Variants in FGF12 observed in about 807,000 individuals in gnomAD.
FGF12 encodes the protein fibroblast growth factor 12B.
In FGF12, 14 loss-of-function variants were observed where a neutral mutation model predicts 23.6. That is an observed-to-expected ratio of 0.59 (90% CI 0.39 to 0.93). The LOEUF is 0.93. Ranked by LOEUF, FGF12 falls within the 40% of genes least tolerant of loss-of-function variation. FGF12 has a pLI of 0.00. For missense variants in FGF12, 175 were observed against 217.8 expected (o/e 0.80, Z 1.24); for synonymous variants, 62 against 77.3 (o/e 0.80, Z 1.04).
chr3:192,154,492 G>A (rs912870168), intron 5 of FGF12, among the ~76,000 whole-genome samples: 3 of 144,622 alleles, frequency 2.1e-5, no homozygotes, highest in Admixed American at 7.0e-5. Context: ...ATGGGTTTTC[G>A]GTGTGGATGT....
At chr3:192,725,420 T>C (rs1425255555) in intron 2 of FGF12, among the ~76,000 whole-genome samples, 2 of 152,148 alleles carry the variant, frequency 1.3e-5, no homozygotes, top group African/African-American at 4.8e-5. Flanking sequence ...GACATAGAAC[T>C]TCTGAACTGA....
intron 2 of FGF12, among the ~76,000 whole-genome samples, chr3:192,418,270 G>A (rs756177427): frequency 6.6e-6 from 1 of 152,088 alleles, no homozygotes; most frequent in Non-Finnish European, 1.5e-5. Context: ...ATACTACGCA[G>A]CACCATAGAA....
chr3:192,496,906 A>G (rs907825289), intron 2 of FGF12, among the ~76,000 whole-genome samples: 6 of 152,204 alleles, frequency 3.9e-5, no homozygotes, highest in African/African-American at 1.4e-4. Context: ...ATGGCTAAAT[A>G]TAGAACATTG....
chr3:192,188,079 T>G (rs576503245), intron 4 of FGF12, among the ~76,000 whole-genome samples: 47 of 152,318 alleles, frequency 3.1e-4, no homozygotes, highest in Middle Eastern at 3.4e-3. Flanking sequence ...AGTGGCCTCA[T>G]GTATTTATTC....
intron 2 of FGF12, among the ~76,000 whole-genome samples, chr3:192,556,109 A>C (rs904383006): frequency 6.6e-6 from 1 of 152,168 alleles, no homozygotes; most frequent in Non-Finnish European, 1.5e-5. Flanking sequence ...AAGGAGGACC[A>C]AAAGGCAACA....
rs1390476829 is a variant in FGF12 at position 192,514,418 on chromosome 3, G to A, written c.14-153880C>T. On this transcript the variant is annotated intron_variant, in intron 2 of 5. Coordinates refer to ENST00000445105, the MANE Select transcript of FGF12 (RefSeq NM_004113.6). The surrounding 1 kb of genome is among the most constrained non-coding windows in gnomAD (Gnocchi z 4.9). Reference sequence around the variant, plus strand: ...CTTGGAGAGAGACCCGCAGGTTTCAGCCCAGGCGCGCCCGGCGAAAGCCAA... The same window carrying A: ...CTTGGAGAGAGACCCGCAGGTTTCAACCCAGGCGCGCCCGGCGAAAGCCAA... Among the ~76,000 whole-genome samples the A allele has an allele frequency of 6.6e-6, 1 of 152,222 alleles. No individual in the cohort carries two copies. Among genetic ancestry groups the A allele is most frequent in the African/African-American group, 2.4e-5 (1 of 41,462 alleles).
intron 3 of FGF12, among the ~76,000 whole-genome samples, chr3:192,350,642 C>T (rs1344279477): frequency 6.6e-6 from 1 of 152,078 alleles, no homozygotes; most frequent in African/African-American, 2.4e-5. Flanking sequence ...GTCCCAATGC[C>T]TTCAGGCAAG....
At chr3:192,363,851 G>A (rs79002035) in intron 2 of FGF12, among the ~76,000 whole-genome samples, 25 of 152,272 alleles carry the variant, frequency 1.6e-4, no homozygotes, top group Middle Eastern at 3.4e-3. Context: ...ACTAACACAC[G>A]TTTATTTATC....
rs137930719 is a variant in FGF12, at chr3:192,176,941, G to A, written c.229-6285C>T. 3.2e-3 allele frequency among the ~76,000 whole-genome samples: 486 copies of A among 152,006 alleles called. 1 individual carries two copies. The highest frequency in any genetic ancestry group is 0.011 in the African/African-American group (454 of 41,440). On this transcript the variant is annotated intron_variant, in intron 4 of 5. Transcript: ENST00000445105. The stretch of plus-strand genomic sequence containing the variant: ...ATTCCACACCGTTATATTATACAAC[G>A]CCCATGCTTACATGTTTGATTTACT...
chr3:192,311,789 C>T (rs777241356), intron 4 of FGF12, among the ~76,000 whole-genome samples: 28 of 152,166 alleles, frequency 1.8e-4, no homozygotes, highest in Non-Finnish European at 4.0e-4. Context: ...TCCCATTTCT[C>T]ACCTACGTGT....
At chr3:192,658,091 C>T (rs906838901) in intron 2 of FGF12, among the ~76,000 whole-genome samples, 1 of 151,838 alleles carries the variant, frequency 6.6e-6, no homozygotes, top group Admixed American at 6.6e-5. Context: ...TGAAGTTTAA[C>T]TAGGACAAAA....
chr3:192,299,301 ACT>A (rs1715214094), intron 4 of FGF12, among the ~76,000 whole-genome samples: 1 of 152,072 alleles, frequency 6.6e-6, no homozygotes, highest in South Asian at 2.1e-4. Flanking sequence ...TTTTGACTAC[ACT>A]CTGTAAATTC....
chr3:192,444,009 G>C (rs1297678855), intron 2 of FGF12, among the ~76,000 whole-genome samples: 1 of 152,142 alleles, frequency 6.6e-6, no homozygotes, highest in Admixed American at 6.5e-5. Flanking sequence ...CAGGACCATG[G>C]ATTCTCAGAG....
At chr3:192,641,094 C>T (rs984076161) in intron 2 of FGF12, among the ~76,000 whole-genome samples, 1 of 147,608 alleles carries the variant, frequency 6.8e-6, no homozygotes, top group Non-Finnish European at 1.5e-5. Flanking sequence ...TAGTGCCTGG[C>T]CTTTCACTTT....
At chr3:192,300,667 G>T (rs1180383628) in intron 4 of FGF12, among the ~76,000 whole-genome samples, 1 of 151,930 alleles carries the variant, frequency 6.6e-6, no homozygotes, top group Non-Finnish European at 1.5e-5. Flanking sequence ...TCTAAAAAGG[G>T]AATCCCTAGA....
chr3:192,650,323 G>A (rs1426381672), intron 2 of FGF12, among the ~76,000 whole-genome samples: 3 of 152,128 alleles, frequency 2.0e-5, no homozygotes, highest in South Asian at 2.1e-4. Flanking sequence ...GGTGTCTACC[G>A]ACTTACAACC....
At chr3:192,582,111 C>T (rs374378910) in intron 2 of FGF12, among the ~76,000 whole-genome samples, 95 of 151,038 alleles carry the variant, frequency 6.3e-4, no homozygotes, top group Middle Eastern at 3.5e-3. Context: ...CCTGGTTCAC[C>T]GTTGCATTAC....
intron 2 of FGF12, among the ~76,000 whole-genome samples, chr3:192,622,754 TTCA>T (rs1715018958): frequency 6.6e-6 from 1 of 152,162 alleles, no homozygotes; most frequent in Non-Finnish European, 1.5e-5. Flanking sequence ...CTCACTTTTC[TTCA>T]TCAGGTGAGG....
intron 2 of FGF12, among the ~76,000 whole-genome samples, chr3:192,385,995 T>TAAAC (rs1720025555): frequency 6.6e-6 from 1 of 152,196 alleles, no homozygotes; most frequent in South Asian, 2.1e-4. Context: ...GTATTCTCAT[T>TAAAC]AAACTATTTT....
Sources: allele counts gnomAD v4.1 joint callset (sites outside exome capture counted in the v4.1 genomes callset), GRCh38; gene constraint gnomAD v4.1.1; non-coding constraint Gnocchi (gnomAD v3.1); transcripts MANE v1.5; gene names NCBI Gene and HGNC (gene_info 2026-07-23, HGNC 2026-07-21).